Variants in SLC8A1 observed in about 807,000 individuals in gnomAD.
The protein encoded by SLC8A1 is solute carrier family 8 member A1.
SLC8A1 carries 18 observed loss-of-function variants against 68.3 expected under a neutral mutation model. That is an observed-to-expected ratio of 0.26 (90% CI 0.18 to 0.39). The LOEUF is 0.39. Ranked by LOEUF, SLC8A1 falls within the 10% of genes least tolerant of loss-of-function variation. The pLI is 1.00. For missense variants in SLC8A1, 985 were observed against 1,156.7 expected, an observed-to-expected ratio of 0.85 and a Z score of 2.15; for synonymous variants, 475 against 415.5, an observed-to-expected ratio of 1.14 and a Z score of -1.74.
chr2:40,287,057 T>C (rs899741572), intron 2 of SLC8A1, among the ~76,000 whole-genome samples: 24 of 152,226 alleles, frequency 1.6e-4, no homozygotes, highest in African/African-American at 5.5e-4. Flanking sequence ...CTACCTCCCA[T>C]GAAAGGAATT....
At chr2:40,330,937 C>A (rs924075012) in intron 2 of SLC8A1, among the ~76,000 whole-genome samples, 6 of 152,096 alleles carry the variant, frequency 3.9e-5, no homozygotes, top group Non-Finnish European at 1.5e-5. Flanking sequence ...AAACCAGAGC[C>A]ACATACAAAA....
At chr2:40,507,454 T>A (rs1002581081) in intron 1 of SLC8A1, among the ~76,000 whole-genome samples, 9 of 152,082 alleles carry the variant, frequency 5.9e-5, no homozygotes, top group Non-Finnish European at 1.5e-5. Context: ...AAAAACTTTT[T>A]CAAGTGATTA....
At chr2:40,303,832 G>A (rs2072029970) in intron 2 of SLC8A1, among the ~76,000 whole-genome samples, 1 of 152,142 alleles carries the variant, frequency 6.6e-6, no homozygotes, top group Admixed American at 6.5e-5. Context: ...CACAATTGCT[G>A]AAGGTAACGT....
rs1048432118 is a variant in SLC8A1 at position 40,172,264 on chromosome 2, A to G, written c.1930+2561T>C. ...GGTTTGATTTAGGAAAAGAAGGGTC[A>G]TGTAAAGTGAGACGATTTCTTAGAA... On this transcript the variant is annotated intron_variant, in intron 4 of 7. Coordinates refer to ENST00000406785, the Ensembl canonical transcript of SLC8A1. Among the ~76,000 whole-genome samples the G allele has an allele frequency of 4.6e-5, 7 of 152,232 alleles. No individual in the cohort carries two copies. In the East Asian group the frequency reaches 7.7e-4, roughly 17 times the overall value.
At chr2:40,259,655 C>G (rs2064422136) in intron 2 of SLC8A1, among the ~76,000 whole-genome samples, 1 of 151,960 alleles carries the variant, frequency 6.6e-6, no homozygotes, top group African/African-American at 2.4e-5. Flanking sequence ...ATCTTTATAC[C>G]CATAAGAGAA....
rs145451401 is a variant in SLC8A1 at position 40,438,864 on chromosome 2, T to C, written c.-24-8560A>G. Reference sequence around the variant, plus strand: ...TGGTCTTGGACCACCCTTTGTGAAGTGTAAGGCAGAAAGAGCAGAACTGAG... The same window carrying C: ...TGGTCTTGGACCACCCTTTGTGAAGCGTAAGGCAGAAAGAGCAGAACTGAG... On this transcript the variant is annotated intron_variant, in intron 1 of 7. Coordinates refer to ENST00000406785, the Ensembl canonical transcript of SLC8A1. Among the ~76,000 whole-genome samples the C allele has an allele frequency of 5.2e-3, 792 of 152,196 alleles. 8 individuals are homozygous for C. Among genetic ancestry groups the C allele is most frequent in the African/African-American group, 0.018 (742 of 41,550 alleles).
intron 2 of SLC8A1, among the ~76,000 whole-genome samples, chr2:40,281,107 C>G (rs2067451995): frequency 6.6e-6 from 1 of 152,158 alleles, no homozygotes; most frequent in Non-Finnish European, 1.5e-5. Context: ...TAAGATTTCA[C>G]AAGAGTCACC....
chr2:40,490,636 G>T (rs1405744377), intron 1 of SLC8A1, among the ~76,000 whole-genome samples: 1 of 151,976 alleles, frequency 6.6e-6, no homozygotes, highest in Non-Finnish European at 1.5e-5. Context: ...ATGATTTGTG[G>T]GGATGGGTAG....
chr2:40,442,061 AG>A (rs1180290957), intron 1 of SLC8A1, among the ~76,000 whole-genome samples: 10 of 74,166 alleles, frequency 1.3e-4, no homozygotes, highest in African/African-American at 5.6e-4. Flanking sequence ...GGGTGGGGGG[AG>A]GGGGGAGGGA....
chr2:40,331,209 G>T (rs1258267305), intron 2 of SLC8A1, among the ~76,000 whole-genome samples: 1 of 152,148 alleles, frequency 6.6e-6, no homozygotes, highest in Non-Finnish European at 1.5e-5. Flanking sequence ...TAAGCTTAGT[G>T]TCTGGCACAT....
At chr2:40,196,396 T>G (rs996662203) in intron 2 of SLC8A1, among the ~76,000 whole-genome samples, 5 of 151,968 alleles carry the variant, frequency 3.3e-5, no homozygotes, top group African/African-American at 1.2e-4. Context: ...CCTTGAGAAA[T>G]GAGCCTCTGA....
chr2:40,193,675 T>C (rs2052347076), intron 2 of SLC8A1, among the ~76,000 whole-genome samples: 1 of 152,052 alleles, frequency 6.6e-6, no homozygotes, highest in South Asian at 2.1e-4. Flanking sequence ...CAATGGGCCT[T>C]TTTGATTATG....
In SLC8A1 at chr2:40,217,795, C is replaced by CAGTT. The variant is rs375870849; in HGVS notation, c.1809-39944_1809-39941dup. On this transcript the variant is annotated intron_variant, in intron 2 of 7. Transcript: ENST00000406785. ...TGACACACATAATGTTAATTTCAAG[C>CAGTT]AGTTACATAACTTAATTGATAAGTC... is the stretch of plus-strand genomic sequence containing the variant. Among the ~76,000 whole-genome samples the CAGTT allele has an allele frequency of 4.7e-4, 72 of 152,312 alleles. No homozygotes were observed. In the Middle Eastern group the frequency reaches 0.017, roughly 36 times the overall value.
At chr2:40,304,631 C>T (rs2149279598) in intron 2 of SLC8A1, among the ~76,000 whole-genome samples, 1 of 152,298 alleles carries the variant, frequency 6.6e-6, no homozygotes, top group East Asian at 1.9e-4. Flanking sequence ...TCCTCTTCAA[C>T]ATGAACTGCC....
rs1172909749 is a variant in SLC8A1 at position 40,361,887 on chromosome 2, C to CTTTTTTT, written c.1808+66579_1808+66585dup. Among the ~76,000 whole-genome samples, 55 of 53,130 alleles carry CTTTTTTT rather than the reference C, an allele frequency of 1.0e-3. 6 individuals carry two copies. Among genetic ancestry groups the CTTTTTTT allele is most frequent in the East Asian group, 1.5e-3 (3 of 1,992 alleles). 34.9% of individuals were successfully genotyped at this position (53,130 alleles called of 152,430 possible). On this transcript the variant is annotated intron_variant, in intron 2 of 7. Coordinates refer to ENST00000406785, the Ensembl canonical transcript of SLC8A1. Reference sequence around the variant, plus strand: ...GTCAGATGTTTATATCTTTTCTTTCCTTTTTTTTTTTTTTTTTTTTTTTTT... The same window carrying CTTTTTTT: ...GTCAGATGTTTATATCTTTTCTTTCCTTTTTTTTTTTTTTTTTTTTTTTTTTTTTTTT...
intron 2 of SLC8A1, among the ~76,000 whole-genome samples, chr2:40,418,768 C>A (rs964282437): frequency 6.6e-6 from 1 of 152,202 alleles, no homozygotes; most frequent in Non-Finnish European, 1.5e-5. Context: ...TTCCTAATCT[C>A]TGCTCTTCTG....
rs545095544 is a variant in SLC8A1, at chr2:40,221,262, C to T, written c.1809-43407G>A. On this transcript the variant is annotated intron_variant, in intron 2 of 7. Transcript: ENST00000406785. ...CAATAAACATAATACAACACATAAA[C>T]AGAACCAATGGCAAAAACCACATGA... Among the ~76,000 whole-genome samples, 23 of 152,304 alleles carry T rather than the reference C, an allele frequency of 1.5e-4. 1 individual carries two copies. In the South Asian group the frequency reaches 4.8e-3, roughly 32 times the overall value.
chr2:40,209,683 A>G (rs2056209343), intron 2 of SLC8A1, among the ~76,000 whole-genome samples: 1 of 152,138 alleles, frequency 6.6e-6, no homozygotes, highest in African/African-American at 2.4e-5. Context: ...ACTTAGGAAG[A>G]CAGAGTATAG....
At chr2:40,152,059 CAT>C (rs1186931436) in intron 6 of SLC8A1, among the ~76,000 whole-genome samples, 1 of 152,172 alleles carries the variant, frequency 6.6e-6, no homozygotes, top group East Asian at 1.9e-4. Flanking sequence ...TCTTAAGTGA[CAT>C]ATTGTGAAGT....
Sources: gnomAD v4.1 joint callset for allele counts (sites outside exome capture counted in the v4.1 genomes callset) on GRCh38, gnomAD v4.1.1 for gene constraint, MANE v1.5 for transcripts, NCBI Gene and HGNC (gene_info 2026-07-23, HGNC 2026-07-21) for gene names.